The following ARMC12 variants were observed in gnomAD, a reference collection of about 807,000 sequenced individuals.
The protein encoded by ARMC12 is armadillo repeat-containing protein 12.
A neutral mutation model predicts 37.4 loss-of-function variants in ARMC12; 25 were observed. The ratio of observed to expected loss-of-function variants is 0.67; its 90% CI spans 0.49 to 0.93. ARMC12 has a LOEUF of 0.93. Ranked by LOEUF, ARMC12 falls within the 40% of genes least tolerant of loss-of-function variation. The pLI is 0.00. For synonymous variants in ARMC12, 167 were observed against 176.1 expected (o/e 0.95, Z 0.41); for missense variants, 384 against 426.6 (o/e 0.90, Z 0.88).
At chr6:35,748,128 C>A (rs183418768) in intron 5 of ARMC12, among the ~76,000 whole-genome samples, 16 of 152,160 alleles carry the variant, frequency 1.1e-4, no homozygotes, top group Non-Finnish European at 2.1e-4. Context: ...ATATTTTAAC[C>A]ATTCTTGCAG....
intron 3 of ARMC12, among the ~76,000 whole-genome samples, chr6:35,743,999 T>C (rs1767257713): frequency 6.6e-6 from 1 of 151,530 alleles, no homozygotes; most frequent in Admixed American, 6.6e-5. Flanking sequence ...TTGGGCTTGG[T>C]GAAGAGTTCA....
Position 35,748,578 on chromosome 6 carries a change from CAG to C in ARMC12, c.732_733del (p.Gly245GlufsTer5), listed in dbSNP as rs1053631332. On this transcript the variant is annotated frameshift_variant, in exon 6 of 6. Transcript: ENST00000373866. LOFTEE classifies it high-confidence loss of function. The stretch of plus-strand genomic sequence containing the variant: ...CTAAACCTGTTCCAGCCCACACAGT[CAG>C]GGAGTCTCCTGTATGAGGTACTGGT... 3 of 1,566,482 alleles carry C rather than the reference CAG, an allele frequency of 1.9e-6. No individual in the cohort carries two copies. The highest frequency in any genetic ancestry group is 2.6e-6 in the Non-Finnish European group (3 of 1,154,108).
intron 3 of ARMC12, among the ~76,000 whole-genome samples, chr6:35,743,219 T>C (rs958972121): frequency 1.1e-4 from 16 of 150,930 alleles, no homozygotes; most frequent in African/African-American, 3.4e-4. Flanking sequence ...CATCTTACTT[T>C]TTTTTTTTTT....
At chr6:35,736,941 A>C, upstream of ARMC12, 1 of 1,069,014 alleles carries the variant, frequency 9.4e-7, no homozygotes, top group South Asian at 1.5e-5. Flanking sequence ...TGGCTGCCCC[A>C]TTTCCTGACC....
In ARMC12 at chr6:35,737,259, A is replaced by C; in HGVS notation, c.151A>C (p.Ile51Leu). The C allele has an allele frequency of 1.9e-6, 3 of 1,614,188 alleles. No homozygotes were observed. The highest frequency in any genetic ancestry group is 1.1e-5 in the South Asian group (1 of 91,086). ...ACCACCCCTCTGTAGCAACTCACCCATCTGCATCGCCCGTGAGTGTCCGGG... is the reference window on the plus strand; with the variant it reads ...ACCACCCCTCTGTAGCAACTCACCCCTCTGCATCGCCCGTGAGTGTCCGGG... ...CKPPLCSNSP[I>L]CIARLAVERE... The change falls in exon 1 of 6, where the codon ATC (isoleucine) becomes CTC (leucine). Residue 51 changes from isoleucine to leucine, a missense_variant. Coordinates refer to ENST00000373866, the MANE Select transcript of ARMC12 (RefSeq NM_001286574.2).
intron 5 of ARMC12, among the ~76,000 whole-genome samples, 161 bp downstream of exon 5, chr6:35,747,808 C>A (rs186087206): frequency 2.6e-5 from 4 of 152,174 alleles, no homozygotes; most frequent in African/African-American, 9.7e-5. Context: ...CTGTTCCCCC[C>A]AGTAGAAGGA....
upstream of ARMC12, among the ~76,000 whole-genome samples, chr6:35,732,099 G>A (rs1034191763): frequency 6.6e-6 from 1 of 152,186 alleles, no homozygotes; most frequent in Non-Finnish European, 1.5e-5. Flanking sequence ...GGGAGGCCCG[G>A]GACGGGGAAA....
chr6:35,738,282 G>GGTGCGGGACTATATC, intron 2 of ARMC12, 102 bp from the exon 3 acceptor site: 1 of 1,212,756 alleles, frequency 8.2e-7, no homozygotes, highest in Non-Finnish European at 1.1e-6. Flanking sequence ...CTGGCTGATA[G>GGTGCGGGACTATATC]CGGTGGGGGG....
chr6:35,737,987 C>G (rs376859033), intron 1 of ARMC12, 40 bp from the exon 2 acceptor site: 31 of 1,608,266 alleles, frequency 1.9e-5, no homozygotes, highest in East Asian at 1.6e-4. Flanking sequence ...TTCATCACTT[C>G]TGAGTCCACA....
At chr6:35,739,045 C>G (rs953912119) in intron 3 of ARMC12, among the ~76,000 whole-genome samples, 1 of 151,304 alleles carries the variant, frequency 6.6e-6, no homozygotes, top group African/African-American at 2.4e-5. Context: ...CTTACTATTA[C>G]TGGTTTTTTA....
At chr6:35,738,198 A>G in intron 2 of ARMC12, 26 bp downstream of exon 2, 1 of 1,536,058 alleles carries the variant, frequency 6.5e-7, no homozygotes, top group Non-Finnish European at 8.8e-7. Context: ...GGTCCCCCCT[A>G]GCCGGCCTGG....
At chr6:35,734,799 C>T (rs1412381613), upstream of ARMC12, among the ~76,000 whole-genome samples, 3 of 148,762 alleles carry the variant, frequency 2.0e-5, no homozygotes, top group Non-Finnish European at 3.0e-5. Flanking sequence ...GAGAACCTGT[C>T]TCAAAAAAAA....
At chr6:35,741,164 T>C (rs574351527) in intron 3 of ARMC12, among the ~76,000 whole-genome samples, 14 of 152,298 alleles carry the variant, frequency 9.2e-5, no homozygotes, top group African/African-American at 2.6e-4. Context: ...GTGAATACTC[T>C]GCCACTTGCC....
At chr6:35,736,958 C>T (rs1364363397), upstream of ARMC12, 11 of 1,236,490 alleles carry the variant, frequency 8.9e-6, no homozygotes, top group African/African-American at 1.5e-4. Context: ...GACCACTGCC[C>T]TCCATCCCAT....
chr6:35,738,233 T>C, intron 2 of ARMC12, 61 bp downstream of exon 2: 2 of 1,315,090 alleles, frequency 1.5e-6, no homozygotes, highest in Non-Finnish European at 2.0e-6. Flanking sequence ...GGCCGATCCC[T>C]GCCCCTGGAA....
In ARMC12 at chr6:35,748,588, C is replaced by G; in HGVS notation, c.741C>G (p.Leu247=). 1 of 1,580,962 alleles carries G rather than the reference C, an allele frequency of 6.3e-7. No individual in the cohort carries two copies. The highest frequency in any genetic ancestry group is 8.6e-7 in the Non-Finnish European group (1 of 1,161,998). Residue 247 remains leucine (L), a synonymous_variant, in exon 6 of 6, where the codon CTC becomes CTG. Coordinates refer to ENST00000373866, the MANE Select transcript of ARMC12 (RefSeq NM_001286574.2). Reference sequence around the variant, plus strand: ...TCCAGCCCACACAGTCAGGGAGTCTCCTGTATGAGGTACTGGTGTTTGCTG... The same window carrying G: ...TCCAGCCCACACAGTCAGGGAGTCTGCTGTATGAGGTACTGGTGTTTGCTG... ...NLFQPTQSGS[L]LYEVLVFAER...
chr6:35,732,634 G>A (rs1353744147), upstream of ARMC12, among the ~76,000 whole-genome samples: 1 of 152,224 alleles, frequency 6.6e-6, no homozygotes. Context: ...ACCCCCAACA[G>A]TATCTGTCTG....
At position 35,749,011 on chromosome 6, in the gene ARMC12, T is replaced by C; in HGVS notation, c.*141T>C. On this transcript the variant is annotated 3_prime_UTR_variant, in exon 6 of 6. Coordinates refer to ENST00000373866, the MANE Select transcript of ARMC12 (RefSeq NM_001286574.2). Reference sequence around the variant, plus strand: ...CTCCAGAGTGTGGTACAGCATGGGCTTATCTCTCAAAACACATCCCCACTT... The same window carrying C: ...CTCCAGAGTGTGGTACAGCATGGGCCTATCTCTCAAAACACATCCCCACTT... 1 of 806,190 alleles carries C rather than the reference T, an allele frequency of 1.2e-6. No individual in the cohort carries two copies. Among genetic ancestry groups the C allele is most frequent in the East Asian group, 2.9e-5 (1 of 35,004 alleles). The allele number at this position is 806,190 out of a possible 1,614,324, so 49.9% of individuals were successfully genotyped here.
chr6:35,738,291 G>GGGGGGT, intron 2 of ARMC12, 93 bp from the exon 3 acceptor site: 1 of 1,435,746 alleles, frequency 7.0e-7, no homozygotes, highest in Non-Finnish European at 9.4e-7. Context: ...AGCGGTGGGG[G>GGGGGGT]GGGGGTGTGC....
Sources: allele counts gnomAD v4.1 joint callset (sites outside exome capture counted in the v4.1 genomes callset), GRCh38; gene constraint gnomAD v4.1.1; transcripts MANE v1.5; gene names NCBI Gene and HGNC (gene_info 2026-07-23, HGNC 2026-07-21).